The following RASEF variants were observed in gnomAD, a reference collection of about 807,000 sequenced individuals.
The protein encoded by RASEF is RAS and EF-hand domain containing.
Under a neutral mutation model 90.1 loss-of-function variants are expected in RASEF, and 68 were observed. The observed-to-expected ratio is 0.75, with a 90% CI of 0.62 to 0.92. The LOEUF is 0.92. Ranked by LOEUF, RASEF falls within the 40% of genes least tolerant of loss-of-function variation. The pLI is 0.00. For synonymous variants in RASEF, 331 were observed against 345.2 expected (o/e 0.96, Z 0.46); for missense variants, 949 against 937.2 (o/e 1.01, Z -0.16).
At chr9:83,030,456 C>A (rs1829626117) in intron 1 of RASEF, among the ~76,000 whole-genome samples, 1 of 152,118 alleles carries the variant, frequency 6.6e-6, no homozygotes, top group Non-Finnish European at 1.5e-5. Flanking sequence ...GATTCCCTCA[C>A]TTTTTGCAAA....
the RASEF span, among the ~76,000 whole-genome samples, chr9:83,078,989 A>C: frequency 6.6e-6 from 1 of 152,066 alleles, no homozygotes; most frequent in Admixed American, 6.5e-5. Context: ...ATTTTCTCCC[A>C]TTCTGTAGGT....
At chr9:83,115,348 T>C in the RASEF span, among the ~76,000 whole-genome samples, 3 of 152,152 alleles carry the variant, frequency 2.0e-5, no homozygotes, top group African/African-American at 4.8e-5. Context: ...CAAAATTTAC[T>C]TGAAAAAATA....
At chr9:83,107,732 G>A in the RASEF span, among the ~76,000 whole-genome samples, 2 of 152,140 alleles carry the variant, frequency 1.3e-5, no homozygotes. Context: ...ATGTTTAAAT[G>A]TGTGTTTATG....
At chr9:83,014,130 C>T (rs73467574) in intron 4 of RASEF, among the ~76,000 whole-genome samples, 3,446 of 152,196 alleles carry the variant, frequency 0.023, 129 homozygotes, top group African/African-American at 0.078. Flanking sequence ...ACAGAAGATT[C>T]GTCTGTTCAA....
intron 13 of RASEF, 141 bp from the exon 14 acceptor site, chr9:82,997,267 T>C: frequency 1.6e-6 from 1 of 617,712 alleles, no homozygotes; most frequent in Non-Finnish European, 2.9e-6. Context: ...GACATAGGCA[T>C]TTCAAAGGTC....
At chr9:83,142,364 C>T in the RASEF span, among the ~76,000 whole-genome samples, 1 of 152,180 alleles carries the variant, frequency 6.6e-6, no homozygotes, top group African/African-American at 2.4e-5. Flanking sequence ...GAAATATAAG[C>T]AGGTGTGCTT....
At chr9:83,208,496 A>C in the RASEF span, among the ~76,000 whole-genome samples, 2 of 152,136 alleles carry the variant, frequency 1.3e-5, no homozygotes, top group Non-Finnish European at 2.9e-5. Flanking sequence ...TACTATCTAC[A>C]TAGGTGTGTC....
chr9:83,045,441 C>T (rs1829911064), intron 1 of RASEF, among the ~76,000 whole-genome samples: 1 of 152,210 alleles, frequency 6.6e-6, no homozygotes, highest in Non-Finnish European at 1.5e-5. Flanking sequence ...TCAGCTATCC[C>T]ATCATATTTT....
intron 1 of RASEF, among the ~76,000 whole-genome samples, chr9:83,058,670 C>T (rs1427296252): frequency 6.6e-6 from 1 of 152,158 alleles, no homozygotes; most frequent in African/African-American, 2.4e-5. Flanking sequence ...ACTGAAACTT[C>T]GCCTCTGCCT....
chr9:83,025,890 T>C lies in RASEF; in HGVS notation c.463A>G (p.Ile155Val), dbSNP rs1829538568. ...EEQVSTLYQN[I>V]NLVEPRLIQP... is the part of the protein sequence containing the mutation. ...ATTAATCTTGGCTCCACAAGGTTGA[T>C]GTTTTGGTACAAGGTACTAACTTGC... is the stretch of plus-strand genomic sequence containing the variant. The change falls in exon 2 of 17, where the codon ATC (isoleucine) becomes GTC (valine). Residue 155 changes from isoleucine to valine, a missense_variant. Physicochemically the swap from Ile to Val is conservative, Grantham distance 29. This residue lies in a region of RASEF where 656 missense variants were observed against 592.2 expected (regional missense o/e 1.11). Coordinates refer to ENST00000376447, the MANE Select transcript of RASEF (RefSeq NM_152573.4). 1 of 1,613,530 alleles carries C rather than the reference T, an allele frequency of 6.2e-7. No individual in the cohort carries two copies.
chr9:83,024,945 G>A (rs565702301), intron 2 of RASEF, among the ~76,000 whole-genome samples: 2 of 152,222 alleles, frequency 1.3e-5, no homozygotes, highest in Admixed American at 1.3e-4. Context: ...GGGAGCTCTT[G>A]GTGGAGCACA....
intron 3 of RASEF, among the ~76,000 whole-genome samples, chr9:83,018,591 G>C (rs1453311876): frequency 1.3e-5 from 2 of 151,942 alleles, no homozygotes; most frequent in African/African-American, 2.4e-5. Flanking sequence ...AAATTGAAAG[G>C]CTGATTCTTT....
At position 83,000,199 on chromosome 9, in the gene RASEF, C is replaced by T. The variant is rs766969065; in HGVS notation, c.1693G>A (p.Glu565Lys). Reference sequence around the variant, plus strand: ...GTGGCGCTTATATTTTCTCGAAATTCATTCTTGCAAAGTCTCATGAGGAAA... The same window carrying T: ...GTGGCGCTTATATTTTCTCGAAATTTATTCTTGCAAAGTCTCATGAGGAAA... The part of the protein sequence containing the change: ...SSFLMRLCKN[E>K]FRENISATLG... Residue 565 changes from glutamate (E) to lysine (K), a missense_variant, in exon 12 of 17, where the codon GAA (glutamate) becomes AAA (lysine). By Grantham distance (56) the Glu-to-Lys change is moderately conservative. Coordinates refer to ENST00000376447, the MANE Select transcript of RASEF (RefSeq NM_152573.4). 3.7e-6 allele frequency: 6 copies of T among 1,613,942 alleles called. No individual in the cohort carries two copies. Among genetic ancestry groups the T allele is most frequent in the Non-Finnish European group, 5.1e-6 (6 of 1,179,968 alleles).
the RASEF span, among the ~76,000 whole-genome samples, chr9:83,127,797 A>G: frequency 0.39 from 59,273 of 151,926 alleles, 11,911 homozygotes; most frequent in East Asian, 0.71. Context: ...ACCAAGATGC[A>G]TACCCCAGAA....
At chr9:83,049,322 G>A (rs1829997334) in intron 1 of RASEF, 4 of 985,116 alleles carry the variant, frequency 4.1e-6, no homozygotes, top group South Asian at 4.7e-5. Flanking sequence ...AACCTGACGG[G>A]GATGCAGTTT....
At position 83,009,654 on chromosome 9, in the gene RASEF, G is replaced by C; in HGVS notation, c.946C>G (p.Leu316Val). The C allele has an allele frequency of 1.3e-6, 2 of 1,597,342 alleles. No individual in the cohort carries two copies. Among genetic ancestry groups the C allele is most frequent in the Non-Finnish European group, 1.7e-6 (2 of 1,165,516 alleles). Residue 316 changes from leucine to valine, a missense_variant, in exon 6 of 17, where the codon CTG becomes GTG. Transcript: ENST00000376447. ...CAAAGTTCATACCTTTCAGTATTCA[G>C]ACTCTGATCAGCATAATCACTTTTC... ...ALKSDYADQS[L>V]NTERDLEIIR...
At chr9:82,990,079 T>C (rs747659653) in intron 16 of RASEF, among the ~76,000 whole-genome samples, 1 of 152,202 alleles carries the variant, frequency 6.6e-6, no homozygotes, top group Non-Finnish European at 1.5e-5. Context: ...GTATTCATAA[T>C]AGTCCCTTGT....
chr9:83,011,550 CAAAAAAA>C (rs71363083), intron 5 of RASEF, among the ~76,000 whole-genome samples: 7 of 28,106 alleles, frequency 2.5e-4, no homozygotes, highest in East Asian at 2.4e-3. Flanking sequence ...GACTCCATCT[CAAAAAAA>C]AAAAAAAAAA....
the RASEF span, among the ~76,000 whole-genome samples, chr9:83,140,478 A>T: frequency 1.3e-5 from 2 of 152,308 alleles, no homozygotes; most frequent in Middle Eastern, 3.4e-3. Context: ...TCTTCCAGAC[A>T]TGAACAACTT....
Sources: allele counts gnomAD v4.1 joint callset (sites outside exome capture counted in the v4.1 genomes callset), GRCh38; gene constraint gnomAD v4.1.1; regional missense constraint gnomAD v4.1.1; transcripts MANE v1.5; gene names NCBI Gene and HGNC (gene_info 2026-07-23, HGNC 2026-07-21).